Variants in FYCO1 observed in about 807,000 individuals in gnomAD.
The protein encoded by FYCO1 is FYVE and coiled-coil domain autophagy adaptor 1.
A neutral mutation model predicts 165.1 loss-of-function variants in FYCO1; 122 were observed. The ratio of observed to expected loss-of-function variants is 0.74; its 90% CI spans 0.64 to 0.86. The LOEUF is 0.86. Among genes scored for constraint, FYCO1 ranks in the 40% least tolerant of loss-of-function variants. The probability of loss-of-function intolerance (pLI) is 0.00; values close to 1 mark genes in which losing one functional copy is unlikely to be tolerated. For synonymous variants in FYCO1, 648 were observed against 742.5 expected, an observed-to-expected ratio of 0.87 and a Z score of 2.07; for missense variants, 1,702 against 1,810.3, an observed-to-expected ratio of 0.94 and a Z score of 1.09.
Position 45,936,446 on chromosome 3 carries a change from A to T in FYCO1, c.4040+2T>A. The stretch of plus-strand genomic sequence containing the variant: ...AGGGCCCAGGCAGCAGTTGCCACTT[A>T]CATCAGTTCTCCAGACTTCAGCAGG... On this transcript the variant is annotated splice_donor_variant, in intron 15 of 17. Transcript: ENST00000296137. LOFTEE classifies it high-confidence loss of function. The T allele has an allele frequency of 1.2e-6, 2 of 1,610,122 alleles. No homozygotes were observed. Among genetic ancestry groups the T allele is most frequent in the Non-Finnish European group, 1.7e-6 (2 of 1,176,394 alleles).
At chr3:45,968,767 CTTTAGAG>C (rs1427560645) in intron 7 of FYCO1, 64 bp from the exon 8 acceptor site, 1 of 1,599,774 alleles carries the variant, frequency 6.3e-7, no homozygotes, top group African/African-American at 1.3e-5. Flanking sequence ...TTTAGAAAAG[CTTTAGAG>C]TTTAATGAGA....
At chr3:45,948,949 A>G (rs1704817308) in intron 14 of FYCO1, among the ~76,000 whole-genome samples, 1 of 152,230 alleles carries the variant, frequency 6.6e-6, no homozygotes, top group African/African-American at 2.4e-5. Context: ...CACTTGGCAC[A>G]GTTTGCATTT....
At chr3:45,922,066 C>T (rs888608487) in intron 17 of FYCO1, among the ~76,000 whole-genome samples, 18 of 152,178 alleles carry the variant, frequency 1.2e-4, no homozygotes, top group Non-Finnish European at 2.4e-4. Context: ...TGCAGAAATG[C>T]CCTTTTGATC....
At chr3:45,981,457 G>C in intron 3 of FYCO1, 113 bp downstream of exon 3, 2 of 733,968 alleles carry the variant, frequency 2.7e-6, no homozygotes, top group South Asian at 2.9e-5. Flanking sequence ...CTAACCACGA[G>C]GGCTTACTGG....
chr3:45,980,800 A>G (rs1274302531), intron 3 of FYCO1, among the ~76,000 whole-genome samples: 2 of 152,230 alleles, frequency 1.3e-5, no homozygotes, highest in East Asian at 3.8e-4. Context: ...TGTTATTAGG[A>G]TATCTAGATA....
At chr3:45,979,659 C>A (rs1341314885) in intron 4 of FYCO1, 46 bp downstream of exon 4, 1 of 1,610,166 alleles carries the variant, frequency 6.2e-7, no homozygotes, top group African/African-American at 1.3e-5. Flanking sequence ...CTGCTTTAAG[C>A]AGGCAAAAGG....
intron 1 of FYCO1, among the ~76,000 whole-genome samples, chr3:45,992,119 T>A (rs117395008): frequency 6.6e-6 from 1 of 152,320 alleles, no homozygotes; most frequent in East Asian, 1.9e-4. Flanking sequence ...TTCTGCTGCT[T>A]AAGCCACTCA....
chr3:45,966,555 C>CCAGACAGCA lies in FYCO1; in HGVS notation c.2778_2779insTGCTGTCTG (p.Leu926_Ala927insCysCysLeu). 1 of 1,614,194 alleles carries CCAGACAGCA rather than the reference C, an allele frequency of 6.2e-7. No individual in the cohort carries two copies. ...TCCTGGAGCTCCTGGACAGCACAGG[C>CCAGACAGCA]CAGTGCCTCCTCCACTCGCTCCTTT... On this transcript the variant is annotated inframe_insertion, in exon 8 of 18. Coordinates refer to ENST00000296137, the MANE Select transcript of FYCO1 (RefSeq NM_024513.4).
rs773290108 is a variant in FYCO1, at chr3:45,962,419, GATTA to G, written c.3270-31_3270-28del. The G allele has an allele frequency of 1.1e-4, 184 of 1,609,874 alleles. 1 individual carries two copies. The African/African-American group carries it at 2.2e-3, about 19-fold the overall frequency. On this transcript the variant is annotated intron_variant, in intron 10 of 17. Transcript: ENST00000296137. The surrounding 1 kb of genome is among the most constrained non-coding windows in gnomAD (Gnocchi z 4.4). ...TGGGGGAGGAGTGGTAAGTTTTCTT[GATTA>G]GCCAGGACTTCCAGCTTTCCCAGGG...
At chr3:45,965,729 C>T (rs900198049) in intron 8 of FYCO1, among the ~76,000 whole-genome samples, 1 of 152,224 alleles carries the variant, frequency 6.6e-6, no homozygotes, top group Non-Finnish European at 1.5e-5. Context: ...AGAGATAGGA[C>T]ATGAGGCAGC....
intron 13 of FYCO1, among the ~76,000 whole-genome samples, chr3:45,958,043 T>C (rs948094149): frequency 8.5e-5 from 13 of 152,130 alleles, no homozygotes; most frequent in African/African-American, 2.9e-4. Context: ...GACTGAAGGA[T>C]ATGGATGGTT....
chr3:45,946,841 C>T, intron 14 of FYCO1: 4 of 1,614,232 alleles, frequency 2.5e-6, no homozygotes, highest in Non-Finnish European at 3.4e-6. Flanking sequence ...TGCTCATCCT[C>T]ACCTGCATCA....
chr3:45,965,859 G>A (rs1171905314), intron 8 of FYCO1, among the ~76,000 whole-genome samples: 1 of 152,238 alleles, frequency 6.6e-6, no homozygotes, highest in African/African-American at 2.4e-5. Flanking sequence ...GAGGATGTGT[G>A]CCTCCTTTAA....
chr3:45,947,327 C>T (rs1351328264), intron 14 of FYCO1: 2 of 1,614,188 alleles, frequency 1.2e-6, no homozygotes, highest in Middle Eastern at 3.3e-4. Flanking sequence ...TGAGGGCCTG[C>T]CTTAACCCTG....
intron 3 of FYCO1, among the ~76,000 whole-genome samples, chr3:45,980,794 A>G (rs1343861150): frequency 6.6e-6 from 1 of 152,202 alleles, no homozygotes; most frequent in Non-Finnish European, 1.5e-5. Flanking sequence ...TGCGTATGTT[A>G]TTAGGATATC....
rs1703068933 is a variant in FYCO1, at chr3:45,920,957, T to C, written c.*808A>G. 6.5e-6 allele frequency: 1 copy of C among 152,988 alleles called. No homozygotes were observed. Among genetic ancestry groups the C allele is most frequent in the South Asian group, 2.1e-4 (1 of 4,850 alleles). The allele number at this position is 152,988 out of a possible 1,614,324, so 9.5% of individuals were successfully genotyped here. On this transcript the variant is annotated 3_prime_UTR_variant, in exon 18 of 18. Transcript: ENST00000296137. ...ATCCACACTGGCTGGCATTTGGGCATTAGATGTAGTGTACACACAGCCATT... is the reference window on the plus strand; with the variant it reads ...ATCCACACTGGCTGGCATTTGGGCACTAGATGTAGTGTACACACAGCCATT...
intron 14 of FYCO1, chr3:45,947,958 GC>G: frequency 6.0e-6 from 1 of 165,952 alleles, no homozygotes; most frequent in East Asian, 1.9e-4. Context: ...ACAAGTGCTG[GC>G]ACCACCAGGC....
intron 16 of FYCO1, among the ~76,000 whole-genome samples, chr3:45,929,569 C>T (rs973414274): frequency 5.9e-5 from 9 of 152,062 alleles, no homozygotes; most frequent in Non-Finnish European, 1.2e-4. Context: ...GCAGTGCTGC[C>T]GTTTGTTAGT....
chr3:45,952,490 T>G (rs1705089972), intron 14 of FYCO1, among the ~76,000 whole-genome samples: 1 of 152,220 alleles, frequency 6.6e-6, no homozygotes, highest in Non-Finnish European at 1.5e-5. Context: ...ACGCAGCCTT[T>G]AACTGACTTG....
Sources: gnomAD v4.1 joint callset for allele counts (sites outside exome capture counted in the v4.1 genomes callset) on GRCh38, gnomAD v4.1.1 for gene constraint, Gnocchi (gnomAD v3.1) non-coding constraint, MANE v1.5 for transcripts, NCBI Gene and HGNC (gene_info 2026-07-23, HGNC 2026-07-21) for gene names.